The following ARMC12 variants were observed in gnomAD, a reference collection of about 807,000 sequenced individuals.
The protein encoded by ARMC12 is armadillo repeat containing 12, also known as armadillo repeat-containing protein 12.
A neutral mutation model predicts 37.4 loss-of-function variants in ARMC12; 25 were observed. The observed-to-expected ratio is 0.67, with a 90% CI of 0.49 to 0.93. ARMC12 has a LOEUF of 0.93. Among genes scored for constraint, ARMC12 ranks in the 40% least tolerant of loss-of-function variants. The probability of loss-of-function intolerance (pLI) is 0.00; values close to 1 mark genes in which losing one functional copy is unlikely to be tolerated. For missense variants in ARMC12, 384 were observed against 426.6 expected, an observed-to-expected ratio of 0.90 and a Z score of 0.88; for synonymous variants, 167 against 176.1, an observed-to-expected ratio of 0.95 and a Z score of 0.41.
chr6:35,737,249 C>G lies in ARMC12; in HGVS notation c.141C>G (p.Ser47Arg), dbSNP rs556980459. ...TAAAATGCAAACCACCCCTCTGTAGCAACTCACCCATCTGCATCGCCCGTG... is the reference window on the plus strand; with the variant it reads ...TAAAATGCAAACCACCCCTCTGTAGGAACTCACCCATCTGCATCGCCCGTG... Reference protein sequence around the residue: ...AGIKCKPPLCSNSPICIARLA... With the variant: ...AGIKCKPPLCRNSPICIARLA... Residue 47 changes from serine (S) to arginine (R), a missense_variant, in exon 1 of 6, where the codon AGC becomes AGG. Ser to Arg is a moderately radical substitution (Grantham distance 110, BLOSUM62 -1). Coordinates refer to ENST00000373866, the MANE Select transcript of ARMC12 (RefSeq NM_001286574.2). 1 of 1,614,278 alleles carries G rather than the reference C, an allele frequency of 6.2e-7. No individual in the cohort carries two copies. The highest frequency in any genetic ancestry group is 1.3e-5 in the African/African-American group (1 of 75,080).
At chr6:35,737,484 C>A in intron 1 of ARMC12, 1 of 1,387,014 alleles carries the variant, frequency 7.2e-7, no homozygotes, top group Non-Finnish European at 9.7e-7. Context: ...CAAGTGGATC[C>A]TCAGACTCAT....
chr6:35,738,290 G>GC (rs1561919793), intron 2 of ARMC12, 94 bp from the exon 3 acceptor site: 4 of 1,433,600 alleles, frequency 2.8e-6, no homozygotes, highest in Non-Finnish European at 2.8e-6. Flanking sequence ...TAGCGGTGGG[G>GC]GGGGGGTGTG....
At chr6:35,732,780 C>T (rs1355205796), upstream of ARMC12, among the ~76,000 whole-genome samples, 1 of 152,080 alleles carries the variant, frequency 6.6e-6, no homozygotes, top group Admixed American at 6.5e-5. Flanking sequence ...TTGCAGGGCT[C>T]CTGTTCCTCA....
chr6:35,731,711 G>A, the ARMC12 span, among the ~76,000 whole-genome samples: 1 of 152,118 alleles, frequency 6.6e-6, no homozygotes, highest in Non-Finnish European at 1.5e-5. Context: ...ACCCTCACCC[G>A]GGTGAACTAG....
At chr6:35,745,712 C>T (rs138805536) in intron 3 of ARMC12, among the ~76,000 whole-genome samples, 10 of 152,280 alleles carry the variant, frequency 6.6e-5, no homozygotes, top group Non-Finnish European at 1.2e-4. Flanking sequence ...CATGGGACCT[C>T]GCTGTACTAT....
At chr6:35,737,962 TC>T (rs1157662879) in intron 1 of ARMC12, 64 bp from the exon 2 acceptor site, 2 of 1,601,976 alleles carry the variant, frequency 1.2e-6, no homozygotes, top group Non-Finnish European at 8.5e-7. Flanking sequence ...GTCCCCTACT[TC>T]CCAACCCCAT....
At chr6:35,740,030 T>G (rs891553625) in intron 3 of ARMC12, among the ~76,000 whole-genome samples, 1 of 152,146 alleles carries the variant, frequency 6.6e-6, no homozygotes, top group East Asian at 1.9e-4. Flanking sequence ...CCAAAAAGGG[T>G]TGGTTTGCAG....
upstream of ARMC12, among the ~76,000 whole-genome samples, chr6:35,736,348 G>A (rs561466390): frequency 6.6e-6 from 1 of 152,288 alleles, no homozygotes; most frequent in South Asian, 2.1e-4. Flanking sequence ...GATCTAGGGT[G>A]GAGAGATCAC....
intron 3 of ARMC12, among the ~76,000 whole-genome samples, chr6:35,740,380 G>A (rs1352855225): frequency 6.6e-6 from 1 of 151,908 alleles, no homozygotes; most frequent in Non-Finnish European, 1.5e-5. Context: ...TTCCTTAAGG[G>A]CCTCTCTGAT....
At position 35,738,486 on chromosome 6, in the gene ARMC12, T is replaced by C. The variant is rs1255425464; in HGVS notation, c.412T>C (p.Ser138Pro). 3 of 1,614,042 alleles carry C rather than the reference T, an allele frequency of 1.9e-6. No homozygotes were observed. The highest frequency in any genetic ancestry group is 4.5e-5 in the East Asian group (2 of 44,868). Residue 138 changes from serine (S) to proline (P), a missense_variant, in exon 3 of 6, where the codon TCT (serine) becomes CCT (proline). By Grantham distance (74) the Ser-to-Pro change is moderately conservative (BLOSUM62 -1). Transcript: ENST00000373866. ...AGCTCTGAATACACTTAAAGCTTTC[T>C]CTGGCATCAGAAAATTCAGGCTCAA... ...TQALNTLKAF[S>P]GIRKFRLKIQ...
In ARMC12 at chr6:35,747,650, GAGAA is replaced by G. The variant is rs746905347; in HGVS notation, c.690+9_690+12del. 1.2e-5 allele frequency: 19 copies of G among 1,613,790 alleles called. No homozygotes were observed. Among genetic ancestry groups the G allele is most frequent in the East Asian group, 6.7e-5 (3 of 44,886 alleles). On this transcript the variant is annotated splice_donor_5th_base_variant and intron_variant, in intron 5 of 5. Transcript: ENST00000373866. ...TCTATGACATTCTCAACTGCCAGGT[GAGAA>G]AGAAATTGAAGAGGGGCTGATGAAT...
At chr6:35,747,489 C>G (rs765852977) in intron 4 of ARMC12, 55 bp downstream of exon 4, 3 of 1,612,058 alleles carry the variant, frequency 1.9e-6, no homozygotes, top group Non-Finnish European at 2.5e-6. Flanking sequence ...TAGCACAGTA[C>G]TTAGAGGGAG....
At chr6:35,736,611 C>A (rs771828143), upstream of ARMC12, among the ~76,000 whole-genome samples, 1 of 151,788 alleles carries the variant, frequency 6.6e-6, no homozygotes, top group African/African-American at 2.4e-5. Context: ...TAAAGCAGAA[C>A]CTTCTCTTTT....
intron 3 of ARMC12, 68 bp downstream of exon 3, chr6:35,738,586 G>A (rs1163323524): frequency 6.4e-7 from 1 of 1,561,726 alleles, no homozygotes. Flanking sequence ...AATTGCCATA[G>A]GATAAATGGT....
intron 3 of ARMC12, among the ~76,000 whole-genome samples, chr6:35,745,576 C>A (rs896982309): frequency 1.3e-5 from 2 of 152,108 alleles, no homozygotes; most frequent in African/African-American, 4.8e-5. Flanking sequence ...TGTGGTTACA[C>A]AAATATGTGC....
Position 35,748,955 on chromosome 6 carries a change from T to C in ARMC12, c.*85T>C. 7.3e-7 allele frequency: 1 copy of C among 1,361,156 alleles called. No individual in the cohort carries two copies. The highest frequency in any genetic ancestry group is 9.9e-7 in the Non-Finnish European group (1 of 1,008,974). 84.3% of individuals were successfully genotyped at this position (1,361,156 alleles called of 1,614,324 possible). A position where few individuals can be genotyped will look rare whatever the true frequency, so the allele number is the denominator to read the frequency against. On this transcript the variant is annotated 3_prime_UTR_variant, in exon 6 of 6. Coordinates refer to ENST00000373866, the MANE Select transcript of ARMC12 (RefSeq NM_001286574.2). ...ATGTCTGTTGGTGGCCTTCCAGGGCTGGGTGGAGATTTCATTCAGCATAAC... is the reference window on the plus strand; with the variant it reads ...ATGTCTGTTGGTGGCCTTCCAGGGCCGGGTGGAGATTTCATTCAGCATAAC...
Position 35,737,158 on chromosome 6 carries a change from G to T in ARMC12, c.50G>T (p.Ser17Ile). The T allele has an allele frequency of 1.9e-6, 3 of 1,614,258 alleles. No individual in the cohort carries two copies. The highest frequency in any genetic ancestry group is 1.1e-5 in the South Asian group (1 of 91,088). The change falls in exon 1 of 6, where the codon AGC becomes ATC. Residue 17 changes from serine (S) to isoleucine (I), a missense_variant. Ser to Ile is a moderately radical substitution (Grantham distance 142). Coordinates refer to ENST00000373866, the MANE Select transcript of ARMC12 (RefSeq NM_001286574.2). ...QYLGQLDIRK[S>I]VVSLATGAGA... ...CTGGGGCAACTGGACATCCGCAAAA[G>T]CGTAGTCAGCCTGGCCACAGGCGCC...
In ARMC12 at chr6:35,748,923, A is replaced by C; in HGVS notation, c.*53A>C. Reference sequence around the variant, plus strand: ...AGGAGAGAAACTTGAAGTTTCTTGAAGCTCGAATGTCTGTTGGTGGCCTTC... The same window carrying C: ...AGGAGAGAAACTTGAAGTTTCTTGACGCTCGAATGTCTGTTGGTGGCCTTC... On this transcript the variant is annotated 3_prime_UTR_variant, in exon 6 of 6. Transcript: ENST00000373866. 6.6e-7 allele frequency: 1 copy of C among 1,519,620 alleles called. No individual in the cohort carries two copies. The highest frequency in any genetic ancestry group is 8.9e-7 in the Non-Finnish European group (1 of 1,128,462). 94.1% of individuals were successfully genotyped at this position (1,519,620 alleles called of 1,614,324 possible). A position where few individuals can be genotyped will look rare whatever the true frequency, so the allele number is the denominator to read the frequency against.
chr6:35,743,309 C>G (rs1040264644), intron 3 of ARMC12, among the ~76,000 whole-genome samples: 2 of 151,984 alleles, frequency 1.3e-5, no homozygotes, highest in African/African-American at 4.8e-5. Flanking sequence ...CTCCGCCTCC[C>G]GGGTTCAAGT....
Sources: gnomAD v4.1 joint callset for allele counts (sites outside exome capture counted in the v4.1 genomes callset) on GRCh38, gnomAD v4.1.1 for gene constraint, MANE v1.5 for transcripts, NCBI Gene and HGNC (gene_info 2026-07-23, HGNC 2026-07-21) for gene names.